Variants in MANBA observed in about 807,000 individuals in gnomAD.
The protein encoded by MANBA is beta-mannosidase.
A neutral mutation model predicts 111.1 loss-of-function variants in MANBA; 83 were observed. The observed-to-expected ratio is 0.75, with a 90% CI of 0.63 to 0.90. MANBA has a LOEUF of 0.90. MANBA is among the 40% of genes least tolerant of loss of function. MANBA has a pLI of 0.00. For synonymous variants in MANBA, 370 were observed against 378.7 expected (o/e 0.98, Z 0.27); for missense variants, 1,036 against 1,069.0 (o/e 0.97, Z 0.43).
At chr4:102,714,312 G>T in intron 5 of MANBA, 126 bp downstream of exon 5, 1 of 948,652 alleles carries the variant, frequency 1.1e-6, no homozygotes, top group Non-Finnish European at 1.6e-6. Context: ...TTTATAAATT[G>T]ATTGTACCAC....
At position 102,673,187 on chromosome 4, in the gene MANBA, A is replaced by G. The variant is rs190723647; in HGVS notation, c.1112+732T>C. 2.3e-3 allele frequency among the ~76,000 whole-genome samples: 355 copies of G among 152,328 alleles called. 1 individual carries two copies. The highest frequency in any genetic ancestry group is 8.3e-3 in the African/African-American group (347 of 41,564). On this transcript the variant is annotated intron_variant, in intron 8 of 16. Coordinates refer to ENST00000647097, the MANE Select transcript of MANBA (RefSeq NM_005908.4). ...GTTCTTTTGTTGAGATAAAAGTAAAAGAATATGCAAATACCTTAGCATAGA... is the reference window on the plus strand; with the variant it reads ...GTTCTTTTGTTGAGATAAAAGTAAAGGAATATGCAAATACCTTAGCATAGA...
At chr4:102,746,448 C>G (rs961925296) in intron 1 of MANBA, among the ~76,000 whole-genome samples, 1 of 152,140 alleles carries the variant, frequency 6.6e-6, no homozygotes, top group Non-Finnish European at 1.5e-5. Context: ...GAAAATGAAT[C>G]CCTGAGCTCA....
intron 1 of MANBA, among the ~76,000 whole-genome samples, chr4:102,732,330 A>G (rs1723060606): frequency 6.6e-6 from 1 of 152,254 alleles, no homozygotes; most frequent in African/African-American, 2.4e-5. Flanking sequence ...TTGTGCAGGC[A>G]TGGAGGGGCT....
Position 102,684,099 on chromosome 4 carries a change from A to G in MANBA, c.960+5475T>C, listed in dbSNP as rs55913844. 9.0e-3 allele frequency among the ~76,000 whole-genome samples: 1,361 copies of G among 150,818 alleles called. 27 individuals carry two copies. Among genetic ancestry groups the G allele is most frequent in the African/African-American group, 0.032 (1,291 of 40,632 alleles). ...GTCAGATATGCTGCTGTCTCCTGATATACTCAGTTAAAAAAAAAAAAAATC... is the reference window on the plus strand; with the variant it reads ...GTCAGATATGCTGCTGTCTCCTGATGTACTCAGTTAAAAAAAAAAAAAATC... On this transcript the variant is annotated intron_variant, in intron 7 of 16. Transcript: ENST00000647097.
At chr4:102,702,991 C>T (rs1332468848) in intron 5 of MANBA, among the ~76,000 whole-genome samples, 1 of 152,176 alleles carries the variant, frequency 6.6e-6, no homozygotes, top group African/African-American at 2.4e-5. Flanking sequence ...ACTACTTTAT[C>T]CACTTACTGC....
chr4:102,685,726 G>T (rs928017347), intron 7 of MANBA, among the ~76,000 whole-genome samples: 1 of 151,914 alleles, frequency 6.6e-6, no homozygotes, highest in Non-Finnish European at 1.5e-5. Context: ...TTGTAATAAA[G>T]TTCCAACAAT....
intron 1 of MANBA, among the ~76,000 whole-genome samples, chr4:102,747,052 CA>C (rs944881023): frequency 2.0e-5 from 3 of 151,846 alleles, no homozygotes; most frequent in Admixed American, 6.6e-5. Context: ...CCAGAAACCC[CA>C]AAACCAATAA....
At chr4:102,736,990 A>C (rs1723237622) in intron 1 of MANBA, among the ~76,000 whole-genome samples, 1 of 152,188 alleles carries the variant, frequency 6.6e-6, no homozygotes, top group Non-Finnish European at 1.5e-5. Context: ...CCTTACCTAG[A>C]GCTGAAATGG....
chr4:102,639,771 C>T lies in MANBA; in HGVS notation c.1956G>A (p.Met652Ile). ...SEIVDQQGHT[M>I]GALYWQLNDI... is the part of the protein sequence containing the mutation. The stretch of plus-strand genomic sequence containing the variant: ...CATTCAACTGCCAATAAAGTGCCCC[C>T]ATCGTGTGCCCTTGCTGATCCACTA... The change falls in exon 14 of 17, where the codon ATG (methionine) becomes ATA (isoleucine). Residue 652 changes from methionine to isoleucine, a missense_variant. Physicochemically the swap from Met to Ile is conservative, Grantham distance 10 (BLOSUM62 1). Transcript: ENST00000647097. 1 of 1,614,138 alleles carries T rather than the reference C, an allele frequency of 6.2e-7. No homozygotes were observed. The highest frequency in any genetic ancestry group is 8.5e-7 in the Non-Finnish European group (1 of 1,180,014).
At chr4:102,732,926 C>T (rs114300728) in intron 1 of MANBA, among the ~76,000 whole-genome samples, 138 of 152,312 alleles carry the variant, frequency 9.1e-4, no homozygotes, top group African/African-American at 3.2e-3. Context: ...CACATCAACA[C>T]ACTAAGCCCG....
At chr4:102,639,983 G>T in intron 13 of MANBA, 126 bp from the exon 14 acceptor site, 1 of 976,922 alleles carries the variant, frequency 1.0e-6, no homozygotes. Flanking sequence ...ATAAAATTAG[G>T]GAATTTAATT....
At chr4:102,751,559 T>C (rs1723800833) in intron 1 of MANBA, 1 of 535,578 alleles carries the variant, frequency 1.9e-6, no homozygotes, top group South Asian at 1.4e-5. Context: ...ATATGGAGTT[T>C]TATTTCCTTA....
chr4:102,674,218 C>T (rs1002069911), intron 7 of MANBA, 148 bp from the exon 8 acceptor site: 4 of 638,994 alleles, frequency 6.3e-6, no homozygotes, highest in Non-Finnish European at 1.1e-5. Context: ...TGTGGAAATG[C>T]ACATTTCAGG....
At chr4:102,696,704 T>C (rs1362875885) in intron 5 of MANBA, among the ~76,000 whole-genome samples, 1 of 152,198 alleles carries the variant, frequency 6.6e-6, no homozygotes, top group African/African-American at 2.4e-5. Flanking sequence ...GATAGCTGCC[T>C]GGATTAGCTT....
Position 102,726,604 on chromosome 4 carries a change from A to G in MANBA, c.257T>C (p.Ile86Thr). 6.5e-7 allele frequency: 1 copy of G among 1,526,810 alleles called. No homozygotes were observed. The highest frequency in any genetic ancestry group is 9.1e-7 in the Non-Finnish European group (1 of 1,102,120). The allele number at this position is 1,526,810 out of a possible 1,614,324, so 94.6% of individuals were successfully genotyped here. The change falls in exon 2 of 17, where the codon ATC becomes ACC. Residue 86 changes from isoleucine (I) to threonine (T), a missense_variant. Transcript: ENST00000647097. Reference protein sequence around the residue: ...DNWTYSKEFKIPFEISKWQKV... With the variant: ...DNWTYSKEFKTPFEISKWQKV... ...ACATACATACCTAATTTCAAAGGGG[A>G]TTTTAAATTCTTTGCTATAGGTCCA...
At chr4:102,713,468 G>A (rs182400219) in intron 5 of MANBA, among the ~76,000 whole-genome samples, 15 of 152,280 alleles carry the variant, frequency 9.9e-5, no homozygotes, top group East Asian at 7.7e-4. Flanking sequence ...TAAACACAGC[G>A]CTGAGCAAAG....
At chr4:102,722,787 C>T (rs1319188398) in intron 4 of MANBA, 84 bp downstream of exon 4, 1 of 1,371,684 alleles carries the variant, frequency 7.3e-7, no homozygotes, top group Non-Finnish European at 1.0e-6. Context: ...TCTGAAATGC[C>T]ATGGGAGTCT....
At chr4:102,686,449 C>G (rs1732220856) in intron 7 of MANBA, among the ~76,000 whole-genome samples, 1 of 152,136 alleles carries the variant, frequency 6.6e-6, no homozygotes, top group Non-Finnish European at 1.5e-5. Context: ...ACCATTACCA[C>G]CTGGTCTAAG....
At chr4:102,689,770 C>A in intron 6 of MANBA, 86 bp from the exon 7 acceptor site, 4 of 802,584 alleles carry the variant, frequency 5.0e-6, no homozygotes, top group South Asian at 4.1e-5. Flanking sequence ...CTCAAATAGT[C>A]AAGTACAAAA....
Sources: allele counts gnomAD v4.1 joint callset (sites outside exome capture counted in the v4.1 genomes callset), GRCh38; gene constraint gnomAD v4.1.1; transcripts MANE v1.5; gene names NCBI Gene and HGNC (gene_info 2026-07-23, HGNC 2026-07-21).